Variants in ITSN2 observed in about 807,000 individuals in gnomAD.
The protein encoded by ITSN2 is intersectin 2.
ITSN2 carries 156 observed loss-of-function variants against 243.7 expected under a neutral mutation model. The ratio of observed to expected loss-of-function variants is 0.64; its 90% CI spans 0.56 to 0.73. The LOEUF (loss-of-function observed/expected upper bound fraction) is 0.73. Ranked by LOEUF, ITSN2 falls within the 30% of genes least tolerant of loss-of-function variation. The pLI, the probability that ITSN2 is intolerant of heterozygous loss-of-function variation, is 0.00. For missense variants in ITSN2, 1,801 were observed against 1,996.1 expected (o/e 0.90, Z 1.86); for synonymous variants, 703 against 699.9 (o/e 1.00, Z -0.07).
intron 23 of ITSN2, among the ~76,000 whole-genome samples, chr2:24,254,696 C>T (rs1451827865): frequency 6.6e-6 from 1 of 151,960 alleles, no homozygotes; most frequent in Non-Finnish European, 1.5e-5. Flanking sequence ...TGAGATATTT[C>T]GCCTTTCTAA....
chr2:24,255,845 T>A (rs767833753), intron 23 of ITSN2, among the ~76,000 whole-genome samples: 5 of 151,338 alleles, frequency 3.3e-5, no homozygotes, highest in Non-Finnish European at 7.4e-5. Context: ...AGGTCGGGAG[T>A]TTGAGACCAG....
chr2:24,210,870 G>C lies in ITSN2; in HGVS notation c.4167C>G (p.Cys1389Trp), dbSNP rs143181667. Residue 1389 changes from cysteine to tryptophan, a missense_variant, in exon 34 of 40, where the codon TGC becomes TGG. By Grantham distance (215) the Cys-to-Trp change is radical. Transcript: ENST00000355123. ...KLALERAEELCSQVNEGVREK... is the reference protein window; with the variant it reads ...KLALERAEELWSQVNEGVREK... ...CCCGAACTCCCTCATTCACTTGAGA[G>C]CACAGCTCCTCTGCCCGCTCGAGGG... 3 of 1,614,158 alleles carry C rather than the reference G, an allele frequency of 1.9e-6. No individual in the cohort carries two copies. The highest frequency in any genetic ancestry group is 2.2e-5 in the East Asian group (1 of 44,866).
intron 2 of ITSN2, among the ~76,000 whole-genome samples, chr2:24,317,534 C>T (rs1407014322): frequency 6.6e-6 from 1 of 152,214 alleles, no homozygotes; most frequent in Non-Finnish European, 1.5e-5. Flanking sequence ...GCTATTCAGC[C>T]TCAGAGGCAG....
In ITSN2 at chr2:24,298,864, C is replaced by T. The variant is rs779768616; in HGVS notation, c.1345-50G>A. The T allele has an allele frequency of 9.8e-6, 15 of 1,533,182 alleles. No individual in the cohort carries two copies. In the Admixed American group the frequency reaches 1.1e-4, roughly 11 times the overall value. 95.0% of individuals were successfully genotyped at this position (1,533,182 alleles called of 1,614,324 possible). The stretch of plus-strand genomic sequence containing the variant: ...TAATTTTTAAATCAAAAATTTTGCA[C>T]GATTCAAAAACTGGGAAGACAACAA... On this transcript the variant is annotated intron_variant, in intron 12 of 39. Transcript: ENST00000355123.
chr2:24,236,861 A>ATT (rs780168235), intron 29 of ITSN2, among the ~76,000 whole-genome samples: 1 of 134,066 alleles, frequency 7.5e-6, no homozygotes, highest in Admixed American at 7.6e-5. Context: ...TCTATCTTTT[A>ATT]TTTTTTATTT....
intron 13 of ITSN2, among the ~76,000 whole-genome samples, chr2:24,297,010 G>T (rs1004698649): frequency 7.2e-5 from 11 of 151,896 alleles, no homozygotes; most frequent in African/African-American, 2.4e-4. Context: ...CAATCTTAAG[G>T]TCTCTTCCCA....
intron 1 of ITSN2, among the ~76,000 whole-genome samples, chr2:24,339,899 C>T (rs2151901073): frequency 6.6e-6 from 1 of 152,136 alleles, no homozygotes; most frequent in Admixed American, 6.5e-5. Flanking sequence ...TGGTGGCACA[C>T]ACCTGTAGTT....
Position 24,209,843 on chromosome 2 carries a change from T to TGTA in ITSN2, c.4447_4448insTAC (p.Asn1483delinsIleHis). 6.2e-7 allele frequency: 1 copy of TGTA among 1,614,114 alleles called. No individual in the cohort carries two copies. The highest frequency in any genetic ancestry group is 8.5e-7 in the Non-Finnish European group (1 of 1,179,944). ...CGTTTTATACATTTTGAATTGAGCATTGGACTTCGAGCTGAAAAGTTTCTC... is the reference window on the plus strand; with the variant it reads ...CGTTTTATACATTTTGAATTGAGCATGTATGGACTTCGAGCTGAAAAGTTTCTC... On this transcript the variant is annotated protein_altering_variant, in exon 35 of 40. Transcript: ENST00000355123.
chr2:24,328,820 G>A (rs967685204), intron 1 of ITSN2, among the ~76,000 whole-genome samples: 4 of 152,074 alleles, frequency 2.6e-5, no homozygotes, highest in African/African-American at 4.8e-5. Context: ...TAAATGTAGC[G>A]CAGCTGTTTA....
chr2:24,283,920 C>T (rs1679141617), intron 17 of ITSN2, among the ~76,000 whole-genome samples: 1 of 152,180 alleles, frequency 6.6e-6, no homozygotes, highest in African/African-American at 2.4e-5. Context: ...GCCATTCATG[C>T]CATAACCATA....
At chr2:24,343,695 A>G (rs372148857) in intron 1 of ITSN2, among the ~76,000 whole-genome samples, 18 of 152,210 alleles carry the variant, frequency 1.2e-4, no homozygotes, top group African/African-American at 4.3e-4. Context: ...AAGTCTCTCA[A>G]TACAGGCTGA....
At chr2:24,334,119 T>A (rs980921476) in intron 1 of ITSN2, among the ~76,000 whole-genome samples, 3 of 151,870 alleles carry the variant, frequency 2.0e-5, no homozygotes, top group Non-Finnish European at 2.9e-5. Context: ...AGTGCAATTG[T>A]GCGATCTCAG....
At chr2:24,308,888 C>A (rs566703504) in intron 7 of ITSN2, 132 bp from the exon 8 acceptor site, 2 of 638,534 alleles carry the variant, frequency 3.1e-6, no homozygotes, top group African/African-American at 3.7e-5. Context: ...CTGTTAGGAA[C>A]CGGGCTGGAC....
At chr2:24,308,069 C>T (rs1012837604) in intron 8 of ITSN2, among the ~76,000 whole-genome samples, 1 of 152,122 alleles carries the variant, frequency 6.6e-6, no homozygotes, top group Non-Finnish European at 1.5e-5. Flanking sequence ...TGCCTATTAC[C>T]CTCTGTTTAT....
Position 24,235,915 on chromosome 2 carries a change from T to C in ITSN2, c.3577+10214A>G, listed in dbSNP as rs562056248. ...AAGCCCTGTACACTGCTGGCGGAAA[T>C]AGAAAATGGTGCAGCCAGTGAGGCA... On this transcript the variant is annotated intron_variant, in intron 29 of 39. Coordinates refer to ENST00000355123, the MANE Select transcript of ITSN2 (RefSeq NM_006277.3). Among the ~76,000 whole-genome samples the C allele has an allele frequency of 3.9e-5, 6 of 152,110 alleles. No homozygotes were observed. In the East Asian group the frequency reaches 1.2e-3, roughly 29 times the overall value.
Position 24,271,954 on chromosome 2 carries a change from GA to G in ITSN2, c.2082-14del, listed in dbSNP as rs1677413465. On this transcript the variant is annotated splice_polypyrimidine_tract_variant and intron_variant, in intron 18 of 39. Coordinates refer to ENST00000355123, the MANE Select transcript of ITSN2 (RefSeq NM_006277.3). ...TTGCTTTGCTTTCCTTTACATAAAA[GA>G]AAAAGAGTTTGTATAATGTCCTAGA... is the stretch of plus-strand genomic sequence containing the variant. 7.2e-7 allele frequency: 1 copy of G among 1,382,808 alleles called. No individual in the cohort carries two copies. Among genetic ancestry groups the G allele is most frequent in the Non-Finnish European group, 9.6e-7 (1 of 1,039,708 alleles). 85.7% of individuals were successfully genotyped at this position (1,382,808 alleles called of 1,614,324 possible).
intron 29 of ITSN2, among the ~76,000 whole-genome samples, chr2:24,236,013 A>G (rs1167524699): frequency 6.6e-6 from 1 of 152,228 alleles, no homozygotes; most frequent in Non-Finnish European, 1.5e-5. Context: ...ATCCAAAAGA[A>G]ACATGGACAT....
At chr2:24,334,871 G>A in intron 1 of ITSN2, 5 of 523,426 alleles carry the variant, frequency 9.6e-6, no homozygotes, top group South Asian at 9.1e-5. Context: ...AGACCATCCT[G>A]GCTAACAAGG....
At chr2:24,217,823 G>A (rs942216810) in intron 31 of ITSN2, 84 bp downstream of exon 31, 1 of 794,002 alleles carries the variant, frequency 1.3e-6, no homozygotes, top group African/African-American at 1.7e-5. Flanking sequence ...CCTTTGCTAA[G>A]AAGCCCTTGC....
Sources: gnomAD v4.1 joint callset for allele counts (sites outside exome capture counted in the v4.1 genomes callset) on GRCh38, gnomAD v4.1.1 for gene constraint, MANE v1.5 for transcripts, NCBI Gene and HGNC (gene_info 2026-07-23, HGNC 2026-07-21) for gene names.